The following KIF6 variants were observed in gnomAD, a reference collection of about 807,000 sequenced individuals.
KIF6 encodes the protein kinesin-like protein KIF6.
KIF6 carries 106 observed loss-of-function variants against 112.7 expected under a neutral mutation model. The ratio of observed to expected loss-of-function variants is 0.94; its 90% CI spans 0.80 to 1.11. The LOEUF is 1.11. Among genes scored for constraint, KIF6 ranks in the 50% least tolerant of loss-of-function variants. KIF6 has a pLI of 0.00. For synonymous variants in KIF6, 339 were observed against 339.9 expected (o/e 1.00, Z 0.03); for missense variants, 929 against 964.0 (o/e 0.96, Z 0.48).
At chr6:39,528,095 T>G (rs1777836424) in intron 13 of KIF6, among the ~76,000 whole-genome samples, 1 of 152,206 alleles carries the variant, frequency 6.6e-6, no homozygotes, top group Non-Finnish European at 1.5e-5. Context: ...TGAGGCTTTG[T>G]ACCCTTTGAC....
At chr6:39,513,737 T>C (rs567238274) in intron 13 of KIF6, among the ~76,000 whole-genome samples, 40 of 152,282 alleles carry the variant, frequency 2.6e-4, no homozygotes, top group Admixed American at 8.5e-4. Context: ...CCTTCTCCCC[T>C]GGCATTGCAA....
chr6:39,642,373 T>G (rs1784951713), intron 3 of KIF6, among the ~76,000 whole-genome samples: 1 of 152,150 alleles, frequency 6.6e-6, no homozygotes, highest in South Asian at 2.1e-4. Flanking sequence ...CACCTCTCCC[T>G]AGCTCCATGG....
intron 3 of KIF6, among the ~76,000 whole-genome samples, chr6:39,645,738 C>T: frequency 6.6e-6 from 1 of 152,078 alleles, no homozygotes; most frequent in East Asian, 1.9e-4. Flanking sequence ...ATGGTACCAG[C>T]TCCTGGATTA....
intron 2 of KIF6, among the ~76,000 whole-genome samples, chr6:39,717,498 C>T (rs1431338971): frequency 6.6e-6 from 1 of 152,176 alleles, no homozygotes; most frequent in Non-Finnish European, 1.5e-5. Flanking sequence ...CCTTCCCTGA[C>T]CTATTAAATG....
At chr6:39,606,452 T>C (rs1417595448) in intron 6 of KIF6, among the ~76,000 whole-genome samples, 4 of 152,186 alleles carry the variant, frequency 2.6e-5, no homozygotes, top group African/African-American at 9.7e-5. Flanking sequence ...GTGGGATGTT[T>C]TCTTTCTGAT....
At chr6:39,628,885 A>G (rs1319366492) in intron 5 of KIF6, among the ~76,000 whole-genome samples, 1 of 151,942 alleles carries the variant, frequency 6.6e-6, no homozygotes, top group Non-Finnish European at 1.5e-5. Context: ...CACTGTCTCT[A>G]TAGTTTTGCC....
At chr6:39,447,535 A>G (rs1772406861) in intron 13 of KIF6, among the ~76,000 whole-genome samples, 1 of 152,216 alleles carries the variant, frequency 6.6e-6, no homozygotes, top group South Asian at 2.1e-4. Context: ...ATGGAAGGTT[A>G]AAACATTCAT....
intron 5 of KIF6, chr6:39,617,813 G>A (rs1419277736): frequency 4.5e-6 from 2 of 449,024 alleles, no homozygotes; most frequent in African/African-American, 2.0e-5. Flanking sequence ...ATGACAATGG[G>A]TGGGGGTGCA....
At chr6:39,572,529 T>C (rs1210363902) in intron 10 of KIF6, among the ~76,000 whole-genome samples, 4 of 152,124 alleles carry the variant, frequency 2.6e-5, no homozygotes, top group African/African-American at 9.7e-5. Context: ...TCCAGACACT[T>C]TGGGGCAAGA....
At chr6:39,672,807 TA>T (rs1786905330) in intron 3 of KIF6, among the ~76,000 whole-genome samples, 1 of 152,148 alleles carries the variant, frequency 6.6e-6, no homozygotes, top group Non-Finnish European at 1.5e-5. Flanking sequence ...CATTTAACCT[TA>T]ATTACTTCCA....
At chr6:39,693,476 A>G (rs1261389100) in intron 3 of KIF6, among the ~76,000 whole-genome samples, 1 of 152,196 alleles carries the variant, frequency 6.6e-6, no homozygotes, top group East Asian at 1.9e-4. Context: ...AATGAGCTCT[A>G]TGTGGTGTGT....
In KIF6 at chr6:39,523,552, C is replaced by A. The variant is rs529250214; in HGVS notation, c.1645+16451G>T. Among the ~76,000 whole-genome samples the A allele has an allele frequency of 2.0e-5, 3 of 150,288 alleles. No homozygotes were observed. The South Asian group carries it at 6.4e-4, about 32-fold the overall frequency. ...CCAAATGCTTTTGCAACATCACAGA[C>A]CCTCTGTGTGTCCTACACCTCTGCA... On this transcript the variant is annotated intron_variant, in intron 13 of 22. Coordinates refer to ENST00000287152, the MANE Select transcript of KIF6 (RefSeq NM_145027.6).
chr6:39,620,780 T>C (rs568571336), intron 5 of KIF6, among the ~76,000 whole-genome samples: 318 of 152,068 alleles, frequency 2.1e-3, no homozygotes, highest in African/African-American at 7.3e-3. Flanking sequence ...ATTTATTTAT[T>C]TATTTTGAGG....
At chr6:39,700,437 T>TAGTTTTTTAG (rs1421442540) in intron 3 of KIF6, among the ~76,000 whole-genome samples, 1 of 152,244 alleles carries the variant, frequency 6.6e-6, no homozygotes, top group Non-Finnish European at 1.5e-5. Flanking sequence ...TAAAAAGATT[T>TAGTTTTTTAG]AACCCTACAT....
intron 3 of KIF6, among the ~76,000 whole-genome samples, chr6:39,642,412 ATTGGAGC>A (rs1312316391): frequency 6.6e-6 from 1 of 152,124 alleles, no homozygotes; most frequent in African/African-American, 2.4e-5. Flanking sequence ...GCCTTGAAAC[ATTGGAGC>A]TGTGAAATCC....
intron 13 of KIF6, among the ~76,000 whole-genome samples, chr6:39,502,060 G>GA (rs750068877): frequency 2.7e-4 from 41 of 151,210 alleles, no homozygotes; most frequent in African/African-American, 8.0e-4. Context: ...AATGAAAAAA[G>GA]AAAAAAAATG....
chr6:39,530,435 A>AT (rs35566313), intron 13 of KIF6, among the ~76,000 whole-genome samples: 5 of 152,236 alleles, frequency 3.3e-5, no homozygotes, highest in Non-Finnish European at 7.3e-5. Flanking sequence ...AATGCCTCCT[A>AT]TTTTAAAGTG....
At chr6:39,475,313 T>C (rs1173879378) in intron 13 of KIF6, among the ~76,000 whole-genome samples, 3 of 152,174 alleles carry the variant, frequency 2.0e-5, no homozygotes, top group Non-Finnish European at 2.9e-5. Flanking sequence ...TGAACATATG[T>C]CAAAGTTGTT....
intron 13 of KIF6, among the ~76,000 whole-genome samples, chr6:39,491,734 A>G (rs752994699): frequency 1.2e-4 from 19 of 152,170 alleles, no homozygotes; most frequent in Non-Finnish European, 2.4e-4. Flanking sequence ...GCTTAAAGGA[A>G]AGTGAAGGAA....
Sources: gnomAD v4.1 joint callset for allele counts (sites outside exome capture counted in the v4.1 genomes callset) on GRCh38, gnomAD v4.1.1 for gene constraint, MANE v1.5 for transcripts, NCBI Gene and HGNC (gene_info 2026-07-23, HGNC 2026-07-21) for gene names.